The following PABIR3 variants were observed in gnomAD, a reference collection of about 807,000 sequenced individuals.
PABIR3 encodes the protein PABIR family member 3.
PABIR3 carries 20 observed loss-of-function variants against 23.1 expected under a neutral mutation model. The observed-to-expected ratio is 0.86, with a 90% CI of 0.61 to 1.26. The LOEUF is 1.26. Among genes scored for constraint, PABIR3 ranks in the 50% most tolerant of loss-of-function variants. The pLI, the probability that PABIR3 is intolerant of heterozygous loss-of-function variation, is 0.00. For synonymous variants in PABIR3, 69 were observed against 68.5 expected, an observed-to-expected ratio of 1.01 and a Z score of -0.04; for missense variants, 189 against 195.4, an observed-to-expected ratio of 0.97 and a Z score of 0.20.
chrX:134,802,538 A>G (rs1481058778), upstream of PABIR3, among the ~76,000 whole-genome samples: 2 of 112,013 alleles, frequency 1.8e-5, no homozygotes, highest in Non-Finnish European at 3.8e-5. Flanking sequence ...GAATGGGGAG[A>G]CTCACTGCTC....
intron 4 of PABIR3, among the ~76,000 whole-genome samples, chrX:134,838,345 G>A (rs1010654481): frequency 7.4e-5 from 8 of 107,920 alleles, no homozygotes; most frequent in African/African-American, 2.4e-4. Context: ...ACAGAGTCTC[G>A]CTCTGTCGCC....
intron 3 of PABIR3, among the ~76,000 whole-genome samples, chrX:134,823,233 AAGTT>A (rs1286313583): frequency 1.8e-5 from 2 of 112,454 alleles, no homozygotes; most frequent in East Asian, 2.8e-4. Flanking sequence ...CCTAAAATAA[AAGTT>A]AAATAAATAA....
At chrX:134,839,888 A>G (rs1220041291) in intron 4 of PABIR3, among the ~76,000 whole-genome samples, 1 of 113,169 alleles carries the variant, frequency 8.8e-6, no homozygotes, top group African/African-American at 3.2e-5. Context: ...AGAACGGGCC[A>G]TGATGACAAT....
At chrX:134,814,901 C>A in intron 3 of PABIR3, 52 bp downstream of exon 3, 1 of 933,684 alleles carries the variant, frequency 1.1e-6, no homozygotes, top group Non-Finnish European at 1.5e-6. Context: ...GCTTATTGGT[C>A]TCAACCAATG....
intron 4 of PABIR3, among the ~76,000 whole-genome samples, chrX:134,844,782 C>T (rs751415180): frequency 8.9e-6 from 1 of 111,946 alleles, no homozygotes; most frequent in Non-Finnish European, 1.9e-5. Context: ...CCCTGATAGA[C>T]ATTTAATTTG....
chrX:134,801,510 C>G (rs1001254129), intron 1 of PABIR3, among the ~76,000 whole-genome samples: 8 of 112,489 alleles, frequency 7.1e-5, no homozygotes, highest in African/African-American at 6.5e-5. Context: ...TCCCAGGGAC[C>G]CTTTGGCCCT....
upstream of PABIR3, chrX:134,796,714 AGAG>A (rs1403706086): frequency 9.0e-6 from 1 of 111,270 alleles, no homozygotes; most frequent in African/African-American, 3.4e-5. Context: ...TGGTCTGGGA[AGAG>A]GAGAGAGGAG....
chrX:134,850,984 G>T (rs2082612515), intron 9 of PABIR3, among the ~76,000 whole-genome samples: 1 of 111,969 alleles, frequency 8.9e-6, no homozygotes, highest in Non-Finnish European at 1.9e-5. Flanking sequence ...CAGATAAACA[G>T]AAATTGAAAT....
intron 3 of PABIR3, among the ~76,000 whole-genome samples, chrX:134,818,816 GT>G (rs977081488): frequency 1.8e-5 from 2 of 110,410 alleles, no homozygotes; most frequent in African/African-American, 3.3e-5. Context: ...AAATATGTGG[GT>G]TTTTTTAAAT....
chrX:134,847,338 T>C (rs1174284726), intron 6 of PABIR3, 45 bp from the exon 7 acceptor site: 1 of 995,923 alleles, frequency 1.0e-6, no homozygotes, highest in Non-Finnish European at 1.4e-6. Flanking sequence ...ATTTGATTAA[T>C]AAGCAATTGG....
chrX:134,840,062 C>T (rs2082170029), intron 4 of PABIR3, among the ~76,000 whole-genome samples: 1 of 112,243 alleles, frequency 8.9e-6, no homozygotes, highest in Non-Finnish European at 1.9e-5. Flanking sequence ...ACCTTACCCC[C>T]AACCCTGTGC....
At chrX:134,838,874 T>A (rs1368104310) in intron 4 of PABIR3, 1 of 110,739 alleles carries the variant, frequency 9.0e-6, no homozygotes, top group Non-Finnish European at 1.8e-5. Context: ...TCGTATTTTT[T>A]TGGTGGAGAC....
At chrX:134,800,619 G>A (rs748538307) in intron 1 of PABIR3, among the ~76,000 whole-genome samples, 2 of 110,732 alleles carry the variant, frequency 1.8e-5, no homozygotes, top group South Asian at 3.8e-4. Context: ...GTGAAACCCC[G>A]TCTCTACTAA....
In PABIR3 at chrX:134,845,374, T is replaced by C. The variant is rs1339088239; in HGVS notation, c.318T>C (p.Ser106=). ...EWKLQSEIQI[S]HSWEEGLKLN... is the part of the protein sequence containing the mutation. ...AGCTACAAAGTGAGATACAGATAAG[T>C]CACTCTTGGGAAGAAGGCTTGAAAC... Residue 106 remains serine (S), a synonymous_variant, in exon 6 of 11, where the codon AGT becomes AGC. Transcript: ENST00000645433. 7.5e-6 allele frequency: 9 copies of C among 1,204,039 alleles called. No individual in the cohort carries two copies. The Admixed American group carries it at 2.0e-4, about 27-fold the overall frequency.
At position 134,840,859 on chromosome X, in the gene PABIR3, T is replaced by A. The variant is rs771776627; in HGVS notation, c.247-4346T>A. Reference sequence around the variant, plus strand: ...TTGTATTTTTTTCCCTCTCCTAAACTTTTGTTCATATGGGTTCTTCTGCTT... The same window carrying A: ...TTGTATTTTTTTCCCTCTCCTAAACATTTGTTCATATGGGTTCTTCTGCTT... On this transcript the variant is annotated intron_variant, in intron 4 of 10. Transcript: ENST00000645433. Among the ~76,000 whole-genome samples, 3 of 110,040 alleles carry A rather than the reference T, an allele frequency of 2.7e-5. No individual in the cohort carries two copies. The East Asian group carries it at 8.7e-4, about 32-fold the overall frequency.
At chrX:134,798,556 C>G (rs1767657045) in intron 1 of PABIR3, among the ~76,000 whole-genome samples, 1 of 112,199 alleles carries the variant, frequency 8.9e-6, no homozygotes, top group African/African-American at 3.2e-5. Context: ...CCGTAACACC[C>G]CTCAGAACAC....
chrX:134,836,706 C>T (rs931640287), intron 4 of PABIR3, among the ~76,000 whole-genome samples: 3 of 111,769 alleles, frequency 2.7e-5, no homozygotes, highest in Admixed American at 9.6e-5. Flanking sequence ...TATTCTGTCT[C>T]TAAATAAGGT....
chrX:134,855,038 C>CA (rs1005781364), downstream of PABIR3, among the ~76,000 whole-genome samples: 1 of 111,060 alleles, frequency 9.0e-6, no homozygotes, highest in African/African-American at 3.3e-5. Context: ...CATGTGCTTC[C>CA]AGTTGTTCCC....
intron 3 of PABIR3, among the ~76,000 whole-genome samples, chrX:134,815,577 T>C (rs892806134): frequency 8.9e-6 from 1 of 112,444 alleles, no homozygotes. Context: ...TTCCTCATCA[T>C]TGAATATGAT....
Sources: gnomAD v4.1 joint callset for allele counts (sites outside exome capture counted in the v4.1 genomes callset) on GRCh38, gnomAD v4.1.1 for gene constraint, MANE v1.5 for transcripts, NCBI Gene and HGNC (gene_info 2026-07-23, HGNC 2026-07-21) for gene names.